The following ZNF841 variants were observed in gnomAD, a reference collection of about 807,000 sequenced individuals.
ZNF841 encodes the protein TCONS_00006091.
A neutral mutation model predicts 13.0 loss-of-function variants in ZNF841; 11 were observed. The observed-to-expected ratio is 0.85, with a 90% CI of 0.53 to 1.40. ZNF841 has a LOEUF of 1.40. Among genes scored for constraint, ZNF841 ranks in the 40% most tolerant of loss-of-function variants. The probability of loss-of-function intolerance (pLI) is 0.00; values close to 1 mark genes in which losing one functional copy is unlikely to be tolerated. For missense variants in ZNF841, 1,068 were observed against 1,139.5 expected (o/e 0.94, Z 0.90); for synonymous variants, 369 against 381.6 (o/e 0.97, Z 0.38).
chr19:52,060,013 G>A (rs547502640), downstream of ZNF841, among the ~76,000 whole-genome samples: 3 of 152,266 alleles, frequency 2.0e-5, no homozygotes, highest in South Asian at 4.1e-4. Context: ...AGCAGCCAAC[G>A]GGAAACCTCT....
At chr19:52,077,959 A>T (rs1273987547) in intron 4 of ZNF841, among the ~76,000 whole-genome samples, 1 of 152,092 alleles carries the variant, frequency 6.6e-6, no homozygotes, top group Non-Finnish European at 1.5e-5. Context: ...GCCTGAGAAA[A>T]CTTGAAGCAA....
Position 52,066,663 on chromosome 19 carries a change from C to G in ZNF841, c.1219G>C (p.Gly407Arg). ...CTTGAGTTCCGTTTAAAGGTTTTGCCACATTCATTACATTTGTAGGGTTTG... is the reference window on the plus strand; with the variant it reads ...CTTGAGTTCCGTTTAAAGGTTTTGCGACATTCATTACATTTGTAGGGTTTG... ...GDKPYKCNEC[G>R]KTFKRNSSLT... is the part of the protein sequence containing the mutation. The change falls in exon 7 of 7, where the codon GGC becomes CGC. Residue 407 changes from glycine to arginine, a missense_variant. Coordinates refer to ENST00000594440, the MANE Select transcript of ZNF841 (RefSeq NM_001136499.2). The G allele has an allele frequency of 6.2e-7, 1 of 1,612,702 alleles. No individual in the cohort carries two copies. The highest frequency in any genetic ancestry group is 8.5e-7 in the Non-Finnish European group (1 of 1,179,314).
At position 52,066,541 on chromosome 19, in the gene ZNF841, G is replaced by C; in HGVS notation, c.1341C>G (p.His447Gln). 1 of 1,613,294 alleles carries C rather than the reference G, an allele frequency of 6.2e-7. No individual in the cohort carries two copies. The highest frequency in any genetic ancestry group is 8.5e-7 in the Non-Finnish European group (1 of 1,179,716). ...VFYQNSQLVR[H>Q]QIIHTGETPY... is the part of the protein sequence containing the mutation. ...GTGTCTCTCCAGTATGAATTATCTGGTGCCTTACAAGTTGTGAATTCTGAT... is the reference window on the plus strand; with the variant it reads ...GTGTCTCTCCAGTATGAATTATCTGCTGCCTTACAAGTTGTGAATTCTGAT... The change falls in exon 7 of 7, where the codon CAC becomes CAG. Residue 447 changes from histidine to glutamine, a missense_variant. Transcript: ENST00000594440.
chr19:52,062,899 G>A (rs1411482599), downstream of ZNF841, among the ~76,000 whole-genome samples: 9 of 140,360 alleles, frequency 6.4e-5, no homozygotes, highest in Non-Finnish European at 1.2e-4. Flanking sequence ...TTTTTGAGAC[G>A]GAGTCTTGCT....
chr19:52,059,390 T>TATATACACAC, the ZNF841 span, among the ~76,000 whole-genome samples: 3 of 96,384 alleles, frequency 3.1e-5, no homozygotes, highest in Admixed American at 1.4e-4. Flanking sequence ...TATATATATA[T>TATATACACAC]ACACACACAC....
chr19:52,085,241 G>T (rs369677801), intron 3 of ZNF841, among the ~76,000 whole-genome samples: 1 of 152,148 alleles, frequency 6.6e-6, no homozygotes, highest in Admixed American at 6.5e-5. Flanking sequence ...AAGGCTGGAC[G>T]CTCAATGCTG....
Position 52,065,130 on chromosome 19 carries a change from G to C in ZNF841, c.2752C>G (p.Leu918Val). Reference sequence around the variant, plus strand: ...AATTATTTGGGGATCCCAGAGGTTAGGACAACATCTAACGGCCTTTCCACA... The same window carrying C: ...AATTATTTGGGGATCCCAGAGGTTACGACAACATCTAACGGCCTTTCCACA... ...LNVERPLDVV[L>V]TSGIPK is the part of the protein sequence containing the mutation. The change falls in exon 7 of 7, where the codon CTA becomes GTA. Residue 918 changes from leucine (L) to valine (V), a missense_variant. By Grantham distance (32) the Leu-to-Val change is conservative (BLOSUM62 1). Transcript: ENST00000594440. 1 of 1,545,638 alleles carries C rather than the reference G, an allele frequency of 6.5e-7. No homozygotes were observed. Among genetic ancestry groups the C allele is most frequent in the Non-Finnish European group, 8.7e-7 (1 of 1,148,616 alleles).
chr19:52,075,151 T>C (rs1269784409), intron 6 of ZNF841, among the ~76,000 whole-genome samples: 1 of 152,078 alleles, frequency 6.6e-6, no homozygotes, highest in Non-Finnish European at 1.5e-5. Flanking sequence ...GAAAAAAGCA[T>C]AAAATGTCCG....
Position 52,066,105 on chromosome 19 carries a change from C to T in ZNF841, c.1777G>A (p.Gly593Arg), listed in dbSNP as rs373253725. ...ACATTACATTTGTAAGGTTTCTCTC[C>T]GGTATGCATTCTTTGATGACGTGCT... ...CLARHQRMHT[G>R]EKPYKCNVCG... Residue 593 changes from glycine to arginine, a missense_variant, in exon 7 of 7, where the codon GGA becomes AGA. Coordinates refer to ENST00000594440, the MANE Select transcript of ZNF841 (RefSeq NM_001136499.2). 4.9e-5 allele frequency: 79 copies of T among 1,614,126 alleles called. No individual in the cohort carries two copies. The Middle Eastern group carries it at 1.2e-3, about 24-fold the overall frequency.
downstream of ZNF841, among the ~76,000 whole-genome samples, chr19:52,062,358 C>CT (rs750045474): frequency 1.3e-5 from 2 of 152,144 alleles, no homozygotes; most frequent in Non-Finnish European, 2.9e-5. Context: ...GTGAAACATA[C>CT]TCCGTATGTT....
chr19:52,067,968 G>C (rs1386866170), intron 6 of ZNF841, among the ~76,000 whole-genome samples: 1 of 152,096 alleles, frequency 6.6e-6, no homozygotes, highest in Non-Finnish European at 1.5e-5. Flanking sequence ...GAGAAAAAAA[G>C]TTACATATAT....
In ZNF841 at chr19:52,077,036, A is replaced by C. The variant is rs755303772; in HGVS notation, c.64T>G (p.Trp22Gly). The change falls in exon 5 of 7, where the codon TGG (tryptophan) becomes GGG (glycine). Residue 22 changes from tryptophan (W) to glycine (G), a missense_variant. Transcript: ENST00000594440. ...DVAVEFSQEE[W>G]KCLDPVQKAL... Reference sequence around the variant, plus strand: ...TTCTGAACAGGGTCCAGGCATTTCCACTCCTCCTGAGAGAATTCTACAGCC... The same window carrying C: ...TTCTGAACAGGGTCCAGGCATTTCCCCTCCTCCTGAGAGAATTCTACAGCC... 1 of 1,613,096 alleles carries C rather than the reference A, an allele frequency of 6.2e-7. No individual in the cohort carries two copies. The highest frequency in any genetic ancestry group is 8.5e-7 in the Non-Finnish European group (1 of 1,179,418).
At chr19:52,083,482 A>C (rs1180287738) in intron 4 of ZNF841, among the ~76,000 whole-genome samples, 1 of 152,068 alleles carries the variant, frequency 6.6e-6, no homozygotes, top group African/African-American at 2.4e-5. Context: ...ATCTAAAAAA[A>C]ATAAAAATTC....
chr19:52,064,159 A>G (rs1451024417), downstream of ZNF841, among the ~76,000 whole-genome samples: 1 of 151,512 alleles, frequency 6.6e-6, no homozygotes, highest in African/African-American at 2.4e-5. Flanking sequence ...CCTGGCTAAC[A>G]AGGTGAAACC....
chr19:52,092,463 G>A (rs751450308), intron 2 of ZNF841, among the ~76,000 whole-genome samples: 4 of 152,088 alleles, frequency 2.6e-5, no homozygotes, highest in Non-Finnish European at 2.9e-5. Context: ...TACCTCTTAC[G>A]AAGGCTATTT....
Position 52,095,736 on chromosome 19 carries a change from C to A in ZNF841, c.-431G>T, listed in dbSNP as rs1354198284. Reference sequence around the variant, plus strand: ...TGAAACACACTCATAGCGACGTGGCCTTTCCCCAGCGCGATCTGCTTCCGG... The same window carrying A: ...TGAAACACACTCATAGCGACGTGGCATTTCCCCAGCGCGATCTGCTTCCGG... On this transcript the variant is annotated 5_prime_UTR_variant, in exon 1 of 7. The change creates a new upstream start codon in the 5' untranslated region. Transcript: ENST00000594440. The A allele has an allele frequency of 6.6e-6, 1 of 152,282 alleles. No homozygotes were observed. The highest frequency in any genetic ancestry group is 1.5e-5 in the Non-Finnish European group (1 of 68,122). The allele number at this position is 152,282 out of a possible 1,614,324, so 9.4% of individuals were successfully genotyped here. A position where few individuals can be genotyped will look rare whatever the true frequency, so the allele number is the denominator to read the frequency against.
In ZNF841 at chr19:52,065,014, T is replaced by G; in HGVS notation, c.*93A>C. ...CCCCCATCATCCAATCACCTCCCAC[T>G]AGGCTCCACCTCCAATACTGGAGAT... On this transcript the variant is annotated 3_prime_UTR_variant, in exon 7 of 7. Coordinates refer to ENST00000594440, the MANE Select transcript of ZNF841 (RefSeq NM_001136499.2). 8.5e-7 allele frequency: 1 copy of G among 1,176,110 alleles called. No individual in the cohort carries two copies. The highest frequency in any genetic ancestry group is 1.2e-6 in the Non-Finnish European group (1 of 863,550). 72.9% of individuals were successfully genotyped at this position (1,176,110 alleles called of 1,614,324 possible).
rs2087504801 is a variant in ZNF841 at position 52,065,244 on chromosome 19, TAC to T, written c.2636_2637del (p.Cys879Ter). ...RIHSSEKPYK[C>X]NECGKSYISR... is the part of the protein sequence containing the mutation. ...CTAATGTAAGATTTGCCACACTCAT[TAC>T]ATTTATAAGGTTTTTCACTAGAATG... On this transcript the variant is annotated frameshift_variant, in exon 7 of 7. Coordinates refer to ENST00000594440, the MANE Select transcript of ZNF841 (RefSeq NM_001136499.2). LOFTEE classifies it low-confidence loss of function (END_TRUNC). 1 of 1,613,906 alleles carries T rather than the reference TAC, an allele frequency of 6.2e-7. No individual in the cohort carries two copies. The highest frequency in any genetic ancestry group is 1.3e-5 in the African/African-American group (1 of 74,912).
At chr19:52,076,847 A>G in intron 5 of ZNF841, 111 bp downstream of exon 5, 1 of 1,337,426 alleles carries the variant, frequency 7.5e-7, no homozygotes, top group South Asian at 1.3e-5. Context: ...TTGTGAATCA[A>G]CAAGGCTTCA....
Sources: allele counts gnomAD v4.1 joint callset (sites outside exome capture counted in the v4.1 genomes callset), GRCh38; gene constraint gnomAD v4.1.1; transcripts MANE v1.5; gene names NCBI Gene and HGNC (gene_info 2026-07-23, HGNC 2026-07-21).